The following CAAP1 variants were observed in gnomAD, a reference collection of about 807,000 sequenced individuals.
The protein encoded by CAAP1 is caspase activity and apoptosis inhibitor 1, also known as conserved anti-apoptotic protein.
In CAAP1, 20 loss-of-function variants were observed where a neutral mutation model predicts 34.0. That is an observed-to-expected ratio of 0.59 (90% CI 0.41 to 0.86). CAAP1 has a LOEUF of 0.86. Ranked by LOEUF, CAAP1 falls within the 40% of genes least tolerant of loss-of-function variation. The pLI is 0.00. For missense variants in CAAP1, 538 were observed against 450.5 expected (o/e 1.19, Z -1.76); for synonymous variants, 213 against 166.7 (o/e 1.28, Z -2.14).
chr9:26,856,612 T>C (rs1822875134), intron 5 of CAAP1, among the ~76,000 whole-genome samples: 1 of 152,242 alleles, frequency 6.6e-6, no homozygotes, highest in Non-Finnish European at 1.5e-5. Context: ...TGGCTATTTA[T>C]GTGGCCTGTG....
At position 26,887,381 on chromosome 9, in the gene CAAP1, TTTC is replaced by T. The variant is rs1451565802; in HGVS notation, c.433_435del (p.Glu145del). 1 of 1,612,270 alleles carries T rather than the reference TTTC, an allele frequency of 6.2e-7. No individual in the cohort carries two copies. On this transcript the variant is annotated inframe_deletion, in exon 2 of 6. Transcript: ENST00000333916. ...ATAATACAGAAGCACTGCTGAAGCA[TTTC>T]TTTTTTGTCTGATATATAGAAACTA...
chr9:26,857,477 C>T (rs1822898341), intron 5 of CAAP1, among the ~76,000 whole-genome samples: 2 of 152,086 alleles, frequency 1.3e-5, no homozygotes, highest in African/African-American at 4.8e-5. Flanking sequence ...ACTAAAAATA[C>T]AAAAATTAGC....
chr9:26,867,837 C>T (rs1823174541), intron 4 of CAAP1, among the ~76,000 whole-genome samples: 1 of 151,384 alleles, frequency 6.6e-6, no homozygotes. Flanking sequence ...TGTTTTAATC[C>T]ATGAATTTAA....
At chr9:26,891,336 A>T (rs978451329) in intron 1 of CAAP1, among the ~76,000 whole-genome samples, 5 of 152,212 alleles carry the variant, frequency 3.3e-5, no homozygotes, top group African/African-American at 4.8e-5. Flanking sequence ...CAATTTTTTT[A>T]AAAAATGCCA....
Position 26,892,683 on chromosome 9 carries a change from C to T in CAAP1, c.33G>A (p.Arg11=). 2 of 1,603,694 alleles carry T rather than the reference C, an allele frequency of 1.2e-6. No homozygotes were observed. The highest frequency in any genetic ancestry group is 1.1e-5 in the South Asian group (1 of 90,860). The part of the protein sequence containing the change: MTGKKSSREK[R]RKRSSQEAAA... ...CCGCCTCCTGACTGCTACGTTTGCG[C>T]CGTTTCTCCCGGGAGGACTTTTTCC... Residue 11 remains arginine, a synonymous_variant, in exon 1 of 6, where the codon CGG becomes CGA. Transcript: ENST00000333916.
intron 5 of CAAP1, among the ~76,000 whole-genome samples, chr9:26,859,138 G>C (rs186708269): frequency 6.6e-6 from 1 of 152,190 alleles, no homozygotes; most frequent in Admixed American, 6.5e-5. Context: ...GATGCCATCA[G>C]TGTGTTCCTA....
chr9:26,883,151 C>T (rs4316229), intron 4 of CAAP1, among the ~76,000 whole-genome samples: 3 of 151,860 alleles, frequency 2.0e-5, no homozygotes, highest in Non-Finnish European at 2.9e-5. Context: ...AGGCATGATT[C>T]GTTTTTCAAA....
chr9:26,846,907 G>C (rs912623303), intron 5 of CAAP1, among the ~76,000 whole-genome samples: 1 of 151,638 alleles, frequency 6.6e-6, no homozygotes, highest in Non-Finnish European at 1.5e-5. Flanking sequence ...GGCTGGCCTC[G>C]AACTCCCAAC....
intron 5 of CAAP1, among the ~76,000 whole-genome samples, chr9:26,851,012 C>T (rs1485816078): frequency 1.3e-5 from 2 of 152,192 alleles, no homozygotes; most frequent in Non-Finnish European, 2.9e-5. Context: ...AATCCATTAA[C>T]TATCCCCTTC....
intron 4 of CAAP1, among the ~76,000 whole-genome samples, chr9:26,864,531 G>T (rs939874237): frequency 3.3e-5 from 5 of 151,974 alleles, no homozygotes; most frequent in African/African-American, 1.2e-4. Flanking sequence ...TAAATCAAAC[G>T]ATCAGTTACC....
chr9:26,861,625 AAAT>A (rs1823004349), intron 4 of CAAP1, among the ~76,000 whole-genome samples: 1 of 152,210 alleles, frequency 6.6e-6, no homozygotes, highest in Non-Finnish European at 1.5e-5. Flanking sequence ...TAAAAGGATT[AAAT>A]GTAAGATCAT....
chr9:26,870,547 T>TAC (rs141036873), intron 4 of CAAP1, among the ~76,000 whole-genome samples: 18,935 of 140,094 alleles, frequency 0.14, 1,980 homozygotes, highest in East Asian at 0.65. Context: ...TATAGACACA[T>TAC]ACACACACAC....
At chr9:26,884,205 G>C (rs563105734) in intron 4 of CAAP1, among the ~76,000 whole-genome samples, 1 of 152,132 alleles carries the variant, frequency 6.6e-6, no homozygotes, top group Non-Finnish European at 1.5e-5. Flanking sequence ...AGCATCAATA[G>C]ATGCTCAAAT....
intron 5 of CAAP1, among the ~76,000 whole-genome samples, chr9:26,854,140 C>A (rs1182883745): frequency 6.6e-6 from 1 of 152,150 alleles, no homozygotes; most frequent in Non-Finnish European, 1.5e-5. Flanking sequence ...CAGAAAACAA[C>A]AATGATAACA....
intron 5 of CAAP1, among the ~76,000 whole-genome samples, chr9:26,859,913 G>A (rs1308512463): frequency 6.6e-6 from 1 of 152,108 alleles, no homozygotes; most frequent in Non-Finnish European, 1.5e-5. Flanking sequence ...CATATAAATT[G>A]AACAAATCAC....
At position 26,843,457 on chromosome 9, in the gene CAAP1, G is replaced by T. The variant is rs12351123; in HGVS notation, c.740-810C>A. Among the ~76,000 whole-genome samples the T allele has an allele frequency of 8.4e-3, 1,269 of 151,630 alleles. 13 individuals carry two copies. The highest frequency in any genetic ancestry group is 0.029 in the African/African-American group (1,194 of 41,356). On this transcript the variant is annotated intron_variant, in intron 5 of 5. Coordinates refer to ENST00000333916, the MANE Select transcript of CAAP1 (RefSeq NM_024828.4). ...CTTTTAAATATTGAATATGTTTTTT[G>T]TGTGTTTTTCTTGCATTTTCTTTTT...
intron 5 of CAAP1, 149 bp from the exon 6 acceptor site, chr9:26,842,796 C>T: frequency 1.7e-6 from 1 of 599,306 alleles, no homozygotes; most frequent in Non-Finnish European, 2.9e-6. Flanking sequence ...CCCTCTTTTC[C>T]CCTGACTCCT....
In CAAP1 at chr9:26,892,632, G is replaced by T. The variant is rs759683083; in HGVS notation, c.84C>A (p.Ile28=). The part of the protein sequence containing the change: ...EAAAALAAPD[I]VPALASGSSG... The stretch of plus-strand genomic sequence containing the variant: ...TGCTGCCGCTGGCCAACGCGGGTAC[G>T]ATGTCCGGGGCCGCGAGCGCTGCGG... Residue 28 remains isoleucine (I), a synonymous_variant, in exon 1 of 6, where the codon ATC becomes ATA. Coordinates refer to ENST00000333916, the MANE Select transcript of CAAP1 (RefSeq NM_024828.4). The T allele has an allele frequency of 2.5e-6, 4 of 1,609,034 alleles. No individual in the cohort carries two copies. The East Asian group carries it at 6.7e-5, about 27-fold the overall frequency.
chr9:26,860,817 T>A (rs1452305266), intron 5 of CAAP1, among the ~76,000 whole-genome samples: 2 of 152,072 alleles, frequency 1.3e-5, no homozygotes, highest in African/African-American at 2.4e-5. Flanking sequence ...TAAATTTAAT[T>A]TAATAAATTA....
Sources: gnomAD v4.1 joint callset for allele counts (sites outside exome capture counted in the v4.1 genomes callset) on GRCh38, gnomAD v4.1.1 for gene constraint, MANE v1.5 for transcripts, NCBI Gene and HGNC (gene_info 2026-07-23, HGNC 2026-07-21) for gene names.